Variants in MYH9 observed in about 807,000 individuals in gnomAD.
MYH9 encodes the protein myosin-9.
MYH9 carries 29 observed loss-of-function variants against 241.9 expected under a neutral mutation model. The ratio of observed to expected loss-of-function variants is 0.12; its 90% CI spans 0.09 to 0.16. The LOEUF (loss-of-function observed/expected upper bound fraction) is 0.16, where lower values mean the gene tolerates loss of function less well. Among genes scored for constraint, MYH9 ranks in the 10% least tolerant of loss-of-function variants. MYH9 has a pLI of 1.00. For synonymous variants in MYH9, 1,047 were observed against 1,062.6 expected (o/e 0.99, Z 0.29); for missense variants, 1,803 against 2,595.5 (o/e 0.69, Z 6.63).
intron 3 of MYH9, among the ~76,000 whole-genome samples, chr22:36,336,999 G>A (rs566321128): frequency 6.6e-6 from 1 of 152,306 alleles, no homozygotes; most frequent in African/African-American, 2.4e-5. Flanking sequence ...CCGTGCCCAC[G>A]GCAGACAGCA....
At chr22:36,303,942 G>C in intron 19 of MYH9, 53 bp downstream of exon 19, 1 of 1,604,482 alleles carries the variant, frequency 6.2e-7, no homozygotes, top group African/African-American at 1.3e-5. Context: ...TTTGGCAACA[G>C]AAGGGCGTGG....
intron 3 of MYH9, among the ~76,000 whole-genome samples, chr22:36,336,885 G>A (rs2017508995): frequency 6.6e-6 from 1 of 152,156 alleles, no homozygotes; most frequent in Admixed American, 6.5e-5. Flanking sequence ...GGACCGCCAG[G>A]GCATCCAGTA....
At chr22:36,331,716 A>C (rs1327451604) in intron 3 of MYH9, among the ~76,000 whole-genome samples, 1 of 152,216 alleles carries the variant, frequency 6.6e-6, no homozygotes, top group Non-Finnish European at 1.5e-5. Context: ...CTCATCACCC[A>C]GCTCCCAAGA....
intron 10 of MYH9, 140 bp from the exon 11 acceptor site, chr22:36,318,465 A>G: frequency 1.3e-6 from 1 of 770,736 alleles, no homozygotes; most frequent in Non-Finnish European, 2.3e-6. Context: ...GTGAATGAGC[A>G]ATCATTACCA....
intron 18 of MYH9, among the ~76,000 whole-genome samples, chr22:36,304,650 A>C (rs2016940841): frequency 6.6e-6 from 1 of 152,190 alleles, no homozygotes; most frequent in African/African-American, 2.4e-5. Context: ...AGGGAGGAGA[A>C]GCCCAGGTCA....
chr22:36,291,897 G>C, intron 31 of MYH9, 89 bp downstream of exon 31: 2 of 1,598,936 alleles, frequency 1.3e-6, no homozygotes, highest in Non-Finnish European at 1.7e-6. Context: ...GACCCTGAGG[G>C]AGCCCAGGCT....
chr22:36,374,163 A>G (rs2018130720), intron 1 of MYH9, among the ~76,000 whole-genome samples: 1 of 151,966 alleles, frequency 6.6e-6, no homozygotes, highest in Non-Finnish European at 1.5e-5. Context: ...CAAGTGGATC[A>G]CCTGAAATCA....
chr22:36,357,068 C>T (rs1166506687), intron 1 of MYH9, among the ~76,000 whole-genome samples: 2 of 152,236 alleles, frequency 1.3e-5, no homozygotes, highest in Non-Finnish European at 2.9e-5. Context: ...AATGATGAGA[C>T]AGGACACCTA....
In MYH9 at chr22:36,285,647, C is replaced by G; in HGVS notation, c.5274+11G>C. On this transcript the variant is annotated intron_variant, in intron 37 of 40. Transcript: ENST00000216181. This position sits in a 1 kb window ranked among gnomAD's most constrained non-coding sequence, Gnocchi z 7.0. The stretch of plus-strand genomic sequence containing the variant: ...GCCAGAGCCCAGAGTGGGAGAAGTC[C>G]TGGCACCCACCTGCAGGTTGGCCTT... 1 of 1,611,980 alleles carries G rather than the reference C, an allele frequency of 6.2e-7. No homozygotes were observed. The highest frequency in any genetic ancestry group is 8.5e-7 in the Non-Finnish European group (1 of 1,180,012).
intron 1 of MYH9, among the ~76,000 whole-genome samples, chr22:36,387,446 C>T (rs1299030863): frequency 6.6e-6 from 1 of 152,170 alleles, no homozygotes; most frequent in Non-Finnish European, 1.5e-5. Context: ...CCGAGTCGGG[C>T]CTGGGCGAGG....
At chr22:36,313,472 A>AAAGAAG (rs10665976) in intron 13 of MYH9, among the ~76,000 whole-genome samples, 1 of 123,006 alleles carries the variant, frequency 8.1e-6, no homozygotes, top group African/African-American at 2.8e-5. Context: ...AAAAAAAAAA[A>AAAGAAG]AAGAAGAAAA....
chr22:36,303,949 G>T (rs377683686), intron 19 of MYH9, 46 bp downstream of exon 19: 1 of 1,608,644 alleles, frequency 6.2e-7, no homozygotes, highest in Non-Finnish European at 8.5e-7. Context: ...ACAGAAGGGC[G>T]TGGCAAGGCC....
At chr22:36,317,022 A>G (rs187016659) in intron 11 of MYH9, among the ~76,000 whole-genome samples, 18 of 142,000 alleles carry the variant, frequency 1.3e-4, no homozygotes, top group African/African-American at 4.0e-4. Flanking sequence ...ATAAGGCAGC[A>G]GTCTACGGCC....
At chr22:36,366,329 C>T (rs1482801290) in intron 1 of MYH9, among the ~76,000 whole-genome samples, 2 of 151,958 alleles carry the variant, frequency 1.3e-5, no homozygotes, top group African/African-American at 2.4e-5. Flanking sequence ...CCTAAGATCA[C>T]ATAGCCAGGC....
chr22:36,293,293 C>T lies in MYH9; in HGVS notation c.4095+36G>A, dbSNP rs975394588. On this transcript the variant is annotated intron_variant, in intron 30 of 40. Transcript: ENST00000216181. This position sits in a 1 kb window ranked among gnomAD's most constrained non-coding sequence, Gnocchi z 5.1. ...CAGTGCCCGGCCAGCAGCTCCCCAG[C>T]CTGCAGAGTCCGGCCGGTCCCCCAG... 3.1e-6 allele frequency: 5 copies of T among 1,613,072 alleles called. No individual in the cohort carries two copies. The highest frequency in any genetic ancestry group is 1.7e-5 in the Admixed American group (1 of 60,028).
In MYH9 at chr22:36,366,488, C is replaced by T. The variant is rs150136550; in HGVS notation, c.-19-17233G>A. On this transcript the variant is annotated intron_variant, in intron 1 of 40. Coordinates refer to ENST00000216181, the MANE Select transcript of MYH9 (RefSeq NM_002473.6). ...TCGTGGTGTTTACATCATCTGATCC[C>T]GCCAGCCTTGGCAAAGTGAAGGGTC... 9.9e-5 allele frequency among the ~76,000 whole-genome samples: 15 copies of T among 152,218 alleles called. No individual in the cohort carries two copies. The East Asian group carries it at 1.5e-3, about 16-fold the overall frequency.
chr22:36,327,551 C>A, intron 3 of MYH9, 63 bp from the exon 4 acceptor site: 2 of 1,591,558 alleles, frequency 1.3e-6, no homozygotes, highest in South Asian at 1.1e-5. Flanking sequence ...ACCTTGCTCC[C>A]AAAGAGCTGC....
chr22:36,338,477 T>C (rs536899341), intron 3 of MYH9, among the ~76,000 whole-genome samples: 11 of 152,112 alleles, frequency 7.2e-5, no homozygotes, highest in Admixed American at 2.6e-4. Context: ...ACAATACAAG[T>C]TTCCCGTGCT....
chr22:36,341,360 C>T lies in MYH9; in HGVS notation c.490+10G>A, dbSNP rs775149724. ...TTCAGCCCCAGGTGGGCACACACTA[C>T]GTCACCCACCTTGCATCATACTCCT... On this transcript the variant is annotated intron_variant, in intron 3 of 40. Coordinates refer to ENST00000216181, the MANE Select transcript of MYH9 (RefSeq NM_002473.6). 8.7e-5 allele frequency: 141 copies of T among 1,613,124 alleles called. No individual in the cohort carries two copies. Among genetic ancestry groups the T allele is most frequent in the Admixed American group, 3.0e-4 (18 of 59,990 alleles).
Sources: allele counts gnomAD v4.1 joint callset (sites outside exome capture counted in the v4.1 genomes callset), GRCh38; gene constraint gnomAD v4.1.1; non-coding constraint Gnocchi (gnomAD v3.1); transcripts MANE v1.5; gene names NCBI Gene and HGNC (gene_info 2026-07-23, HGNC 2026-07-21).